Variants in PLEKHG1 observed in about 807,000 individuals in gnomAD.
PLEKHG1 encodes the protein pleckstrin homology domain-containing family G member 1.
In PLEKHG1, 44 loss-of-function variants were observed where a neutral mutation model predicts 100.8. The observed-to-expected ratio is 0.44, with a 90% CI of 0.34 to 0.56. PLEKHG1 has a LOEUF of 0.56. Among genes scored for constraint, PLEKHG1 ranks in the 20% least tolerant of loss-of-function variants. The pLI, the probability that PLEKHG1 is intolerant of heterozygous loss-of-function variation, is 0.01. For synonymous variants in PLEKHG1, 640 were observed against 662.5 expected, an observed-to-expected ratio of 0.97 and a Z score of 0.52; for missense variants, 1,545 against 1,720.9, an observed-to-expected ratio of 0.90 and a Z score of 1.81.
At chr6:150,820,814 G>A (rs555535924) in intron 12 of PLEKHG1, among the ~76,000 whole-genome samples, 30 of 152,260 alleles carry the variant, frequency 2.0e-4, no homozygotes, top group Admixed American at 1.8e-3. Context: ...GCAAGGAGCC[G>A]AGATCGTACC....
intron 1 of PLEKHG1, among the ~76,000 whole-genome samples, chr6:150,604,834 C>A (rs1776521846): frequency 6.6e-6 from 1 of 152,166 alleles, no homozygotes; most frequent in Non-Finnish European, 1.5e-5. Flanking sequence ...GGGATAAAGT[C>A]CATGGTTGAC....
chr6:150,676,546 C>T (rs1308938144), intron 3 of PLEKHG1, among the ~76,000 whole-genome samples: 1 of 152,128 alleles, frequency 6.6e-6, no homozygotes, highest in Non-Finnish European at 1.5e-5. Flanking sequence ...TTTGAACCTG[C>T]TGTAGCTCTT....
exon 16 of PLEKHG1, chr6:150,840,703 A>T: frequency 6.2e-7 from 1 of 1,614,230 alleles, no homozygotes; most frequent in Non-Finnish European, 8.5e-7. Flanking sequence ...AACACATTGC[A>T]TTCTTTGAAT....
upstream of PLEKHG1, among the ~76,000 whole-genome samples, chr6:150,716,667 C>T (rs1781459206): frequency 6.6e-6 from 1 of 152,148 alleles, no homozygotes; most frequent in Admixed American, 6.5e-5. Context: ...CCTAGACAGC[C>T]CCATTGTGGT....
chr6:150,620,339 C>T (rs73016045), intron 1 of PLEKHG1, among the ~76,000 whole-genome samples: 11,312 of 152,264 alleles, frequency 0.074, 524 homozygotes, highest in Non-Finnish European at 0.1. Context: ...AGGAAGACAC[C>T]GCTACTCAGA....
intron 3 of PLEKHG1, among the ~76,000 whole-genome samples, chr6:150,702,559 T>G (rs1278653578): frequency 2.8e-5 from 4 of 141,250 alleles, no homozygotes; most frequent in East Asian, 2.0e-4. Flanking sequence ...TGTTTTGGGG[T>G]GTGTGTGTGT....
chr6:150,724,360 G>T (rs1781848465), intron 1 of PLEKHG1, among the ~76,000 whole-genome samples: 1 of 152,138 alleles, frequency 6.6e-6, no homozygotes, highest in South Asian at 2.1e-4. Flanking sequence ...TAAAGAAAAG[G>T]GTAGAGTGGA....
At chr6:150,657,574 T>C (rs532647891) in intron 3 of PLEKHG1, among the ~76,000 whole-genome samples, 43 of 152,368 alleles carry the variant, frequency 2.8e-4, no homozygotes, top group African/African-American at 1.0e-3. Flanking sequence ...TATTGGTAGA[T>C]TATCAGTATT....
At position 150,683,525 on chromosome 6, in the gene PLEKHG1, T is replaced by C. The variant is rs146112990; in HGVS notation, c.-99+32739T>C. ...GTGTGTGTGTGTGGAAGGGTGGCGC[T>C]GACCTCCCAGACAGGACATTACCCT... is the stretch of plus-strand genomic sequence containing the variant. On this transcript the variant is annotated intron_variant, in intron 3 of 3. Transcript: ENST00000367326. This position sits in a 1 kb window ranked among gnomAD's most constrained non-coding sequence, Gnocchi z 4.0. 2.6e-5 allele frequency: 6 copies of C among 230,074 alleles called. No homozygotes were observed. The highest frequency in any genetic ancestry group is 5.5e-5 in the Admixed American group (1 of 18,164). 14.3% of individuals were successfully genotyped at this position (230,074 alleles called of 1,614,324 possible).
At chr6:150,828,264 A>G (rs1287604088) in intron 14 of PLEKHG1, 1 of 1,613,298 alleles carries the variant, frequency 6.2e-7, no homozygotes, top group Non-Finnish European at 8.5e-7. Flanking sequence ...AACTGTCTGA[A>G]TCTGGAGCAA....
At chr6:150,840,738 G>T (rs145271443) in exon 16 of PLEKHG1, 2 of 1,614,192 alleles carry the variant, frequency 1.2e-6, no homozygotes, top group Non-Finnish European at 1.7e-6. Flanking sequence ...AAAAAAGCCG[G>T]TTAACAGCAA....
chr6:150,774,575 T>G (rs111773268), intron 3 of PLEKHG1, among the ~76,000 whole-genome samples: 56 of 129,402 alleles, frequency 4.3e-4, no homozygotes, highest in African/African-American at 1.3e-3. Context: ...ACAGTCTCAC[T>G]CTGTCATTCA....
intron 15 of PLEKHG1, among the ~76,000 whole-genome samples, chr6:150,832,813 G>A (rs1051974261): frequency 2.0e-5 from 3 of 149,640 alleles, no homozygotes; most frequent in Admixed American, 6.6e-5. Flanking sequence ...CCTGAGGTGG[G>A]ACCAGAGGCA....
chr6:150,713,447 C>T (rs961555489), intron 3 of PLEKHG1, among the ~76,000 whole-genome samples: 4 of 152,134 alleles, frequency 2.6e-5, no homozygotes, highest in East Asian at 1.9e-4. Flanking sequence ...AAACCACCCA[C>T]GTCAGTTCTA....
chr6:150,832,236 AAAGT>A (rs2128689036), intron 15 of PLEKHG1, 31 bp downstream of exon 16: 1 of 1,517,062 alleles, frequency 6.6e-7, no homozygotes, highest in Non-Finnish European at 8.8e-7. Flanking sequence ...TTCCTTCTCC[AAAGT>A]AAGAGGGGAG....
intron 10 of PLEKHG1, among the ~76,000 whole-genome samples, chr6:150,815,556 C>T (rs972372609): frequency 6.6e-6 from 1 of 152,288 alleles, no homozygotes; most frequent in African/African-American, 2.4e-5. Context: ...AGAGACTGAG[C>T]TAACATTTGT....
At chr6:150,784,714 A>T (rs772929467) in intron 3 of PLEKHG1, among the ~76,000 whole-genome samples, 3 of 152,194 alleles carry the variant, frequency 2.0e-5, no homozygotes, top group Non-Finnish European at 4.4e-5. Context: ...CAAGATTGAT[A>T]CTTCTGGCAT....
intron 3 of PLEKHG1, among the ~76,000 whole-genome samples, chr6:150,658,206 C>A (rs1779043937): frequency 6.6e-6 from 1 of 152,108 alleles, no homozygotes; most frequent in South Asian, 2.1e-4. Flanking sequence ...TACCGTCATG[C>A]CTTTTCTGTG....
chr6:150,721,128 G>A, exon 1 of PLEKHG1: 1 of 985,110 alleles, frequency 1.0e-6, no homozygotes, highest in Non-Finnish European at 1.2e-6. Flanking sequence ...AGCAAAGGCT[G>A]TTTCTTTTAC....
Sources: gnomAD v4.1 joint callset for allele counts (sites outside exome capture counted in the v4.1 genomes callset) on GRCh38, gnomAD v4.1.1 for gene constraint, Gnocchi (gnomAD v3.1) non-coding constraint, MANE v1.5 for transcripts, NCBI Gene and HGNC (gene_info 2026-07-23, HGNC 2026-07-21) for gene names.